Variants in SEC22A observed in about 807,000 individuals in gnomAD.
SEC22A encodes the protein vesicle-trafficking protein SEC22a.
In SEC22A, 22 loss-of-function variants were observed where a neutral mutation model predicts 35.3. That is an observed-to-expected ratio of 0.62 (90% CI 0.45 to 0.89). The LOEUF (loss-of-function observed/expected upper bound fraction) is 0.89, where lower values mean the gene tolerates loss of function less well. Among genes scored for constraint, SEC22A ranks in the 40% least tolerant of loss-of-function variants. The probability of loss-of-function intolerance (pLI) is 0.00; values close to 1 mark genes in which losing one functional copy is unlikely to be tolerated. For missense variants in SEC22A, 354 were observed against 362.5 expected, an observed-to-expected ratio of 0.98 and a Z score of 0.19; for synonymous variants, 119 against 129.5, an observed-to-expected ratio of 0.92 and a Z score of 0.55.
intron 5 of SEC22A, among the ~76,000 whole-genome samples, chr3:123,256,925 A>G (rs1386602640): frequency 6.6e-6 from 1 of 151,700 alleles, no homozygotes; most frequent in Non-Finnish European, 1.5e-5. Flanking sequence ...ACGCCCGGCT[A>G]ATTTTTTGTA....
chr3:123,237,297 A>G (rs536820216), intron 4 of SEC22A, among the ~76,000 whole-genome samples: 138 of 152,126 alleles, frequency 9.1e-4, no homozygotes, highest in African/African-American at 3.3e-3. Flanking sequence ...GATTTTCTCT[A>G]TTTATTAGGA....
intron 2 of SEC22A, among the ~76,000 whole-genome samples, chr3:123,210,559 A>G (rs1340858132): frequency 6.6e-6 from 1 of 152,236 alleles, no homozygotes; most frequent in Non-Finnish European, 1.5e-5. Context: ...AGCTGGATAT[A>G]TGAGTCTGAA....
chr3:123,204,582 A>G (rs6800592), intron 1 of SEC22A: 29,920 of 152,134 alleles, frequency 0.2, 3,049 homozygotes, highest in Middle Eastern at 0.28. Context: ...GGGGTGTCTT[A>G]TTATCTTGGG....
intron 1 of SEC22A, among the ~76,000 whole-genome samples, chr3:123,202,967 T>G (rs1278398534): frequency 1.3e-5 from 2 of 152,072 alleles, no homozygotes; most frequent in Non-Finnish European, 2.9e-5. Context: ...CATTCAGTAT[T>G]TGACTCTGAC....
intron 1 of SEC22A, chr3:123,204,819 G>A (rs1936821322): frequency 6.6e-6 from 1 of 152,180 alleles, no homozygotes; most frequent in African/African-American, 2.4e-5. Context: ...TAAAGGTGAG[G>A]AGAAATGGCC....
intron 5 of SEC22A, among the ~76,000 whole-genome samples, chr3:123,256,718 C>T (rs1213745142): frequency 6.6e-6 from 1 of 151,592 alleles, no homozygotes; most frequent in African/African-American, 2.4e-5. Context: ...TTAGAGTGAC[C>T]TCCTTAAGTT....
chr3:123,266,879 A>AT (rs1352577992), intron 6 of SEC22A, among the ~76,000 whole-genome samples: 1 of 151,960 alleles, frequency 6.6e-6, no homozygotes, highest in South Asian at 2.1e-4. Flanking sequence ...TGGATTATAG[A>AT]TTTTTCCATT....
At chr3:123,270,702 A>G (rs1576507890) in intron 6 of SEC22A, among the ~76,000 whole-genome samples, 1 of 152,206 alleles carries the variant, frequency 6.6e-6, no homozygotes, top group Non-Finnish European at 1.5e-5. Context: ...TGTTTATAGT[A>G]TGTTGTGGAG....
chr3:123,249,595 G>C (rs539615907), intron 5 of SEC22A, among the ~76,000 whole-genome samples: 1 of 152,200 alleles, frequency 6.6e-6, no homozygotes, highest in East Asian at 1.9e-4. Flanking sequence ...CATGGTTTCG[G>C]CTCACTGCAG....
chr3:123,252,038 A>G (rs1937620434), intron 5 of SEC22A, among the ~76,000 whole-genome samples: 1 of 152,320 alleles, frequency 6.6e-6, no homozygotes, highest in South Asian at 2.1e-4. Flanking sequence ...AAGAGTGCAA[A>G]CTAGAGTGAT....
intron 6 of SEC22A, among the ~76,000 whole-genome samples, chr3:123,263,377 A>T (rs1040908994): frequency 1.3e-5 from 2 of 152,282 alleles, no homozygotes; most frequent in South Asian, 4.1e-4. Flanking sequence ...CTCCTCCTAC[A>T]TAGTCATTGA....
chr3:123,238,757 T>G (rs1366494629), intron 4 of SEC22A, among the ~76,000 whole-genome samples: 1 of 152,178 alleles, frequency 6.6e-6, no homozygotes, highest in Non-Finnish European at 1.5e-5. Flanking sequence ...TTTGATCCTC[T>G]CCCCACAGTC....
intron 4 of SEC22A, among the ~76,000 whole-genome samples, chr3:123,230,087 G>A (rs1342314363): frequency 2.0e-5 from 3 of 151,686 alleles, no homozygotes; most frequent in Non-Finnish European, 4.4e-5. Flanking sequence ...ATTTGAGGTT[G>A]CAGTGAGGTA....
chr3:123,227,621 A>C (rs1937236729), intron 4 of SEC22A, among the ~76,000 whole-genome samples: 1 of 152,178 alleles, frequency 6.6e-6, no homozygotes, highest in Admixed American at 6.5e-5. Context: ...AAGAAATAAA[A>C]ATGTAAGACA....
chr3:123,231,815 G>A (rs1937331696), intron 4 of SEC22A, among the ~76,000 whole-genome samples: 1 of 151,886 alleles, frequency 6.6e-6, no homozygotes, highest in Non-Finnish European at 1.5e-5. Flanking sequence ...AGGAAATAAC[G>A]ATTAGAACAG....
At chr3:123,257,150 A>T (rs1323629680) in intron 5 of SEC22A, among the ~76,000 whole-genome samples, 2 of 152,188 alleles carry the variant, frequency 1.3e-5, no homozygotes, top group African/African-American at 2.4e-5. Flanking sequence ...ATATGCTAGT[A>T]GACAGTCTTC....
chr3:123,270,529 AAC>A (rs1417895827), intron 6 of SEC22A, among the ~76,000 whole-genome samples: 1 of 152,146 alleles, frequency 6.6e-6, no homozygotes, highest in Non-Finnish European at 1.5e-5. Context: ...TCTTCTAGAA[AAC>A]AGTTTATTCA....
chr3:123,271,759 G>T lies in SEC22A; in HGVS notation c.*37G>T, dbSNP rs970141999. 5 of 1,535,520 alleles carry T rather than the reference G, an allele frequency of 3.3e-6. No homozygotes were observed. Among genetic ancestry groups the T allele is most frequent in the Middle Eastern group, 1.7e-4 (1 of 5,906 alleles). ...AGATCTATTGCCTTGGCTTCAGGGG[G>T]ATAAGGAGGGAACATATCATAACTG... On this transcript the variant is annotated 3_prime_UTR_variant, in exon 7 of 7. Coordinates refer to ENST00000492595, the MANE Select transcript of SEC22A (RefSeq NM_012430.5).
chr3:123,227,233 A>T (rs1284709273), intron 4 of SEC22A, among the ~76,000 whole-genome samples: 1 of 152,176 alleles, frequency 6.6e-6, no homozygotes, highest in Non-Finnish European at 1.5e-5. Context: ...GAAAAAAAAA[A>T]AACTTCCTTA....
Sources: allele counts gnomAD v4.1 joint callset (sites outside exome capture counted in the v4.1 genomes callset), GRCh38; gene constraint gnomAD v4.1.1; transcripts MANE v1.5; gene names NCBI Gene and HGNC (gene_info 2026-07-23, HGNC 2026-07-21).